Variants in ARSB observed in about 807,000 individuals in gnomAD.
ARSB encodes the protein arylsulfatase B, also known as N-acetylgalactosamine-4-sulfatase.
In ARSB, 41 loss-of-function variants were observed where a neutral mutation model predicts 50.9. That is an observed-to-expected ratio of 0.81 (90% confidence interval 0.63 to 1.04). The LOEUF (loss-of-function observed/expected upper bound fraction) is 1.04. Among genes scored for constraint, ARSB ranks in the 50% least tolerant of loss-of-function variants. The pLI is 0.00. For synonymous variants in ARSB, 269 were observed against 284.8 expected, an observed-to-expected ratio of 0.94 and a Z score of 0.56; for missense variants, 672 against 693.3, an observed-to-expected ratio of 0.97 and a Z score of 0.35.
intron 4 of ARSB, among the ~76,000 whole-genome samples, chr5:78,941,745 T>G (rs1228064917): frequency 1.3e-5 from 2 of 152,156 alleles, no homozygotes; most frequent in African/African-American, 2.4e-5. Context: ...AAAATTCTCT[T>G]TTTTGGTTGT....
At chr5:78,950,796 G>T (rs1376036024) in intron 4 of ARSB, among the ~76,000 whole-genome samples, 2 of 152,150 alleles carry the variant, frequency 1.3e-5, no homozygotes, top group African/African-American at 4.8e-5. Flanking sequence ...CCACAAGACG[G>T]CCACACATTC....
intron 6 of ARSB, among the ~76,000 whole-genome samples, chr5:78,830,427 C>A (rs531752711): frequency 6.6e-6 from 1 of 152,148 alleles, no homozygotes; most frequent in Non-Finnish European, 1.5e-5. Flanking sequence ...TGTTGCTTAC[C>A]CTGATTTCTC....
chr5:78,866,972 G>A (rs1188558829), intron 5 of ARSB, among the ~76,000 whole-genome samples: 1 of 152,232 alleles, frequency 6.6e-6, no homozygotes, highest in Non-Finnish European at 1.5e-5. Context: ...CACCGTGCGC[G>A]AGCCAAAGCA....
chr5:78,787,089 A>AACAT (rs1749099336), intron 6 of ARSB, among the ~76,000 whole-genome samples: 1 of 107,424 alleles, frequency 9.3e-6, no homozygotes, highest in East Asian at 2.8e-4. Flanking sequence ...AAAATCGATA[A>AACAT]CCATCTATCT....
chr5:78,928,618 T>G (rs376277042), intron 4 of ARSB, among the ~76,000 whole-genome samples: 45 of 152,332 alleles, frequency 3.0e-4, no homozygotes, highest in African/African-American at 1.0e-3. Flanking sequence ...GCCCGGCTGC[T>G]TTTGCTATTT....
At chr5:78,974,391 G>A (rs1414177905) in intron 1 of ARSB, among the ~76,000 whole-genome samples, 1 of 152,148 alleles carries the variant, frequency 6.6e-6, no homozygotes. Context: ...GATGTTGTTT[G>A]TAAAAAAGAA....
chr5:78,922,189 C>T (rs1211880220), intron 4 of ARSB, among the ~76,000 whole-genome samples: 1 of 99,582 alleles, frequency 1.0e-5, no homozygotes, highest in African/African-American at 4.6e-5. Context: ...GGGCTTAGAG[C>T]CAGTGGATTT....
chr5:78,874,600 C>T (rs1747400776), intron 5 of ARSB, among the ~76,000 whole-genome samples: 1 of 150,914 alleles, frequency 6.6e-6, no homozygotes, highest in African/African-American at 2.4e-5. Flanking sequence ...AATAAAAGGT[C>T]AAAGATAAAA....
chr5:78,910,236 C>T (rs117385320), intron 4 of ARSB, among the ~76,000 whole-genome samples: 2,019 of 152,320 alleles, frequency 0.013, 42 homozygotes, highest in South Asian at 0.081. Flanking sequence ...CCTCTGTATG[C>T]TAAGCACCGG....
intron 4 of ARSB, among the ~76,000 whole-genome samples, chr5:78,891,124 G>C (rs182484962): frequency 6.6e-6 from 1 of 152,266 alleles, no homozygotes; most frequent in Non-Finnish European, 1.5e-5. Flanking sequence ...TGATTTGGAG[G>C]AACAAATAAT....
At chr5:78,979,491 G>A (rs971249434) in intron 1 of ARSB, among the ~76,000 whole-genome samples, 1 of 152,222 alleles carries the variant, frequency 6.6e-6, no homozygotes, top group Admixed American at 6.5e-5. Context: ...GTGGGAGGGG[G>A]TCCCTGGCAA....
At chr5:78,840,448 C>T (rs1422070166) in intron 5 of ARSB, among the ~76,000 whole-genome samples, 1 of 152,044 alleles carries the variant, frequency 6.6e-6, no homozygotes, top group African/African-American at 2.4e-5. Context: ...ATGCCCAATA[C>T]AATTTCAAAA....
intron 6 of ARSB, among the ~76,000 whole-genome samples, chr5:78,809,817 C>T (rs1242372258): frequency 6.6e-6 from 1 of 152,274 alleles, no homozygotes; most frequent in Admixed American, 6.5e-5. Flanking sequence ...GGCCTTGAAC[C>T]CCAGCCTGCT....
intron 1 of ARSB, among the ~76,000 whole-genome samples, chr5:78,983,459 A>C (rs781092873): frequency 4.6e-5 from 7 of 152,198 alleles, no homozygotes. Context: ...ATCTGAGTTC[A>C]GTTCTCTTAC....
chr5:78,850,487 C>G (rs1203811161), intron 5 of ARSB, among the ~76,000 whole-genome samples: 4 of 151,130 alleles, frequency 2.6e-5, no homozygotes, highest in Non-Finnish European at 4.4e-5. Context: ...ATTTTTGCAT[C>G]AATGTTCATC....
At chr5:78,841,583 C>A (rs1363044233) in intron 5 of ARSB, among the ~76,000 whole-genome samples, 3 of 152,064 alleles carry the variant, frequency 2.0e-5, no homozygotes, top group Non-Finnish European at 4.4e-5. Context: ...TATATTAATA[C>A]ATAACTACGC....
intron 4 of ARSB, among the ~76,000 whole-genome samples, chr5:78,942,498 G>C (rs1351311211): frequency 1.3e-5 from 2 of 152,100 alleles, no homozygotes; most frequent in Admixed American, 1.3e-4. Context: ...TTTCTCATTG[G>C]TTTCAAAGAA....
In ARSB at chr5:78,885,573, G is replaced by A. The variant is rs371916604; in HGVS notation, c.1142+11C>T. The A allele has an allele frequency of 3.7e-6, 6 of 1,612,432 alleles. No individual in the cohort carries two copies. Among genetic ancestry groups the A allele is most frequent in the African/African-American group, 2.7e-5 (2 of 74,884 alleles). Reference sequence around the variant, plus strand: ...TCTGTCCTGGGAGGAAAAAGGGCAGGGTGTAGGTACCTGATGGTTTTCCAC... The same window carrying A: ...TCTGTCCTGGGAGGAAAAAGGGCAGAGTGTAGGTACCTGATGGTTTTCCAC... On this transcript the variant is annotated intron_variant, in intron 5 of 7. Transcript: ENST00000264914.
chr5:78,854,001 C>T (rs1230680667), intron 5 of ARSB, among the ~76,000 whole-genome samples: 1 of 152,268 alleles, frequency 6.6e-6, no homozygotes, highest in Admixed American at 6.5e-5. Context: ...TCCCTGACCC[C>T]TTGCACTTCC....
Sources: gnomAD v4.1 joint callset for allele counts (sites outside exome capture counted in the v4.1 genomes callset) on GRCh38, gnomAD v4.1.1 for gene constraint, MANE v1.5 for transcripts, NCBI Gene and HGNC (gene_info 2026-07-23, HGNC 2026-07-21) for gene names.